The following CCDC192 variants were observed in gnomAD, a reference collection of about 807,000 sequenced individuals.
The protein encoded by CCDC192 is coiled-coil domain-containing protein 192.
chr5:127,770,153 T>G (rs1304887387), intron 3 of CCDC192, among the ~76,000 whole-genome samples: 1 of 152,202 alleles, frequency 6.6e-6, no homozygotes, highest in Admixed American at 6.5e-5. Flanking sequence ...GGCATGATCA[T>G]AGCTCAGTGT....
Position 127,839,574 on chromosome 5 carries a change from G to T in CCDC192, c.412-35964G>T, listed in dbSNP as rs575974266. The stretch of plus-strand genomic sequence containing the variant: ...AAATCACAAAATAAAAATAATCATT[G>T]GTTTTTAAAATAATAAATTTGAATA... On this transcript the variant is annotated intron_variant, in intron 5 of 6. Transcript: ENST00000514853. Among the ~76,000 whole-genome samples the T allele has an allele frequency of 3.0e-4, 45 of 151,922 alleles. No homozygotes were observed. In the South Asian group the frequency reaches 9.2e-3, roughly 31 times the overall value.
intron 3 of CCDC192, among the ~76,000 whole-genome samples, chr5:127,770,116 A>C (rs1044566006): frequency 6.6e-6 from 1 of 151,924 alleles, no homozygotes; most frequent in African/African-American, 2.4e-5. Context: ...ACTGGACCCC[A>C]CTCTTTTGCC....
chr5:127,823,452 T>C (rs1451020626), intron 5 of CCDC192, among the ~76,000 whole-genome samples: 3 of 152,204 alleles, frequency 2.0e-5, no homozygotes, highest in Non-Finnish European at 4.4e-5. Flanking sequence ...TCTTAACATA[T>C]TCTTCTCTCA....
At chr5:127,921,602 G>A (rs961979328) in intron 6 of CCDC192, among the ~76,000 whole-genome samples, 1 of 152,168 alleles carries the variant, frequency 6.6e-6, no homozygotes, top group African/African-American at 2.4e-5. Context: ...TCATAGAATT[G>A]TAGAGTCAGG....
chr5:127,798,254 C>T (rs894180194), intron 5 of CCDC192, 92 bp downstream of exon 5: 8 of 394,602 alleles, frequency 2.0e-5, no homozygotes, highest in East Asian at 1.1e-4. Context: ...AAATGAGTTT[C>T]GTCTGGAGCA....
chr5:127,778,491 ACTGTG>A (rs1756002443), intron 3 of CCDC192, among the ~76,000 whole-genome samples: 1 of 152,102 alleles, frequency 6.6e-6, no homozygotes, highest in African/African-American at 2.4e-5. Flanking sequence ...TAATATTTTT[ACTGTG>A]CTGTTGGATC....
chr5:127,768,396 A>T (rs1329364437), intron 3 of CCDC192, among the ~76,000 whole-genome samples: 1 of 152,228 alleles, frequency 6.6e-6, no homozygotes, highest in Non-Finnish European at 1.5e-5. Context: ...AGCAGAGACC[A>T]GAGTGATGCT....
intron 3 of CCDC192, among the ~76,000 whole-genome samples, chr5:127,791,511 G>A (rs374917777): frequency 2.0e-4 from 31 of 152,146 alleles, no homozygotes; most frequent in African/African-American, 6.8e-4. Context: ...TCAGAACTCT[G>A]GAGTGTAGCA....
intron 1 of CCDC192, among the ~76,000 whole-genome samples, chr5:127,706,813 A>G (rs1203100180): frequency 6.6e-6 from 1 of 152,192 alleles, no homozygotes. Flanking sequence ...AGAAAATAGT[A>G]TGGTGATGAG....
intron 6 of CCDC192, among the ~76,000 whole-genome samples, chr5:127,915,108 G>A (rs1388054281): frequency 6.6e-6 from 1 of 152,056 alleles, no homozygotes; most frequent in African/African-American, 2.4e-5. Context: ...AGAATAAAGT[G>A]AATATTGCAA....
At chr5:127,842,642 T>G (rs531775348) in intron 5 of CCDC192, among the ~76,000 whole-genome samples, 19 of 152,350 alleles carry the variant, frequency 1.2e-4, no homozygotes, top group African/African-American at 4.3e-4. Flanking sequence ...TACAAAATAT[T>G]CCAATTTTTA....
At chr5:127,870,334 T>A (rs1447245679) in intron 5 of CCDC192, among the ~76,000 whole-genome samples, 1 of 152,220 alleles carries the variant, frequency 6.6e-6, no homozygotes, top group Non-Finnish European at 1.5e-5. Flanking sequence ...ACCAGCACAC[T>A]TCAATGCTAA....
At chr5:127,767,531 C>A (rs962888511) in intron 3 of CCDC192, among the ~76,000 whole-genome samples, 1 of 152,010 alleles carries the variant, frequency 6.6e-6, no homozygotes, top group Non-Finnish European at 1.5e-5. Context: ...TTCTTAGAAC[C>A]CAATATTATT....
At chr5:127,881,000 G>A (rs1377101160) in intron 6 of CCDC192, among the ~76,000 whole-genome samples, 1 of 151,936 alleles carries the variant, frequency 6.6e-6, no homozygotes, top group Non-Finnish European at 1.5e-5. Flanking sequence ...ATAAAATATA[G>A]ATACATACAT....
At position 127,764,776 on chromosome 5, in the gene CCDC192, A is replaced by G. The variant is rs10036011; in HGVS notation, c.222+10401A>G. Reference sequence around the variant, plus strand: ...TCACAAAAAACCTCATACTGTTTTAAGAAAGTTTACCAATGTGTATTGGGC... The same window carrying G: ...TCACAAAAAACCTCATACTGTTTTAGGAAAGTTTACCAATGTGTATTGGGC... On this transcript the variant is annotated intron_variant, in intron 3 of 6. Coordinates refer to ENST00000514853, the MANE Select transcript of CCDC192 (RefSeq NM_001317938.2). 8.8e-3 allele frequency among the ~76,000 whole-genome samples: 1,341 copies of G among 152,346 alleles called. 10 individuals are homozygous for G. The highest frequency in any genetic ancestry group is 0.015 in the Non-Finnish European group (1,016 of 68,028).
intron 2 of CCDC192, among the ~76,000 whole-genome samples, chr5:127,709,202 G>GGGGAGAGAGA (rs1247306394): frequency 1.2e-5 from 1 of 85,698 alleles, no homozygotes; most frequent in African/African-American, 4.8e-5. Context: ...GGAGAGAGGG[G>GGGGAGAGAGA]GAGAGAGAGA....
At chr5:127,911,962 C>T (rs1382357479) in intron 6 of CCDC192, among the ~76,000 whole-genome samples, 1 of 151,956 alleles carries the variant, frequency 6.6e-6, no homozygotes, top group Non-Finnish European at 1.5e-5. Flanking sequence ...TGCTCTGTCG[C>T]CCAGGCTGGA....
intron 6 of CCDC192, among the ~76,000 whole-genome samples, chr5:127,901,295 A>G (rs1025978252): frequency 6.6e-6 from 1 of 152,226 alleles, no homozygotes; most frequent in Non-Finnish European, 1.5e-5. Context: ...AATTATTCCT[A>G]AATAATAATC....
intron 3 of CCDC192, among the ~76,000 whole-genome samples, chr5:127,777,109 C>T (rs1225180003): frequency 6.6e-6 from 1 of 152,176 alleles, no homozygotes; most frequent in African/African-American, 2.4e-5. Flanking sequence ...CAGCTTACAT[C>T]CTGTGCCTGG....
Sources: gnomAD v4.1 joint callset for allele counts (sites outside exome capture counted in the v4.1 genomes callset) on GRCh38, gnomAD v4.1.1 for gene constraint, MANE v1.5 for transcripts, NCBI Gene and HGNC (gene_info 2026-07-23, HGNC 2026-07-21) for gene names.